The following TMEM266 variants were observed in gnomAD, a reference collection of about 807,000 sequenced individuals.
TMEM266 encodes Hv1 related protein 1.
Under a neutral mutation model 50.5 loss-of-function variants are expected in TMEM266, and 33 were observed. The observed-to-expected ratio is 0.65, with a 90% CI of 0.50 to 0.87. TMEM266 has a LOEUF of 0.87. Ranked by LOEUF, TMEM266 falls within the 40% of genes least tolerant of loss-of-function variation. The pLI, the probability that TMEM266 is intolerant of heterozygous loss-of-function variation, is 0.00. For synonymous variants in TMEM266, 310 were observed against 292.3 expected (o/e 1.06, Z -0.62); for missense variants, 655 against 695.1 (o/e 0.94, Z 0.65).
intron 1 of TMEM266, among the ~76,000 whole-genome samples, chr15:76,077,268 G>T (rs2036620571): frequency 6.6e-6 from 1 of 152,016 alleles, no homozygotes; most frequent in South Asian, 2.1e-4. Flanking sequence ...CTGGCCCTCG[G>T]ATAACCTTTT....
chr15:76,123,577 A>T (rs181728438), intron 1 of TMEM266, among the ~76,000 whole-genome samples: 53 of 152,338 alleles, frequency 3.5e-4, no homozygotes, highest in African/African-American at 1.3e-3. Flanking sequence ...TGAGCCTCAG[A>T]ACCACATCAG....
intron 8 of TMEM266, among the ~76,000 whole-genome samples, chr15:76,180,606 G>C (rs2456055): frequency 0.92 from 109,882 of 119,490 alleles, 50,313 homozygotes; most frequent in South Asian, 0.98. Context: ...TTCATCTTAA[G>C]CTTTTTTTTT....
At chr15:76,178,006 A>G (rs1010417384) in intron 8 of TMEM266, among the ~76,000 whole-genome samples, 1 of 152,172 alleles carries the variant, frequency 6.6e-6, no homozygotes, top group Non-Finnish European at 1.5e-5. Context: ...GGCAGAGGGA[A>G]CAGTGTGGGG....
chr15:76,144,905 T>C (rs2037734655), intron 3 of TMEM266, among the ~76,000 whole-genome samples: 1 of 152,212 alleles, frequency 6.6e-6, no homozygotes, highest in African/African-American at 2.4e-5. Context: ...TGTCTTCTCC[T>C]TCATGCCTCA....
chr15:76,177,080 C>G (rs1396483168), intron 8 of TMEM266, among the ~76,000 whole-genome samples: 4 of 152,142 alleles, frequency 2.6e-5, no homozygotes, highest in Non-Finnish European at 5.9e-5. Context: ...AGCATGTTCC[C>G]CCCGCCAGTA....
At chr15:76,093,115 TTTTA>T (rs956645976) in intron 1 of TMEM266, among the ~76,000 whole-genome samples, 37 of 151,756 alleles carry the variant, frequency 2.4e-4, no homozygotes, top group African/African-American at 6.0e-4. Flanking sequence ...CAGGTGCTAT[TTTTA>T]TTTATTTATT....
chr15:76,165,298 G>A (rs1053756048), intron 5 of TMEM266, among the ~76,000 whole-genome samples: 7 of 152,238 alleles, frequency 4.6e-5, no homozygotes, highest in South Asian at 2.1e-4. Flanking sequence ...CACCTGAGGC[G>A]GAAGGCAAGA....
intron 5 of TMEM266, among the ~76,000 whole-genome samples, chr15:76,167,467 CAAA>C (rs552656577): frequency 4.9e-5 from 5 of 101,210 alleles, no homozygotes; most frequent in Admixed American, 2.1e-4. Flanking sequence ...GAGACTGTTT[CAAA>C]AAAAAAAAAA....
At chr15:76,085,241 G>C (rs879840694) in intron 1 of TMEM266, among the ~76,000 whole-genome samples, 1 of 147,580 alleles carries the variant, frequency 6.8e-6, no homozygotes, top group African/African-American at 2.5e-5. Flanking sequence ...TTACAGGCTT[G>C]AGCCACCGCG....
chr15:76,062,949 A>C (rs1434500812), intron 1 of TMEM266, among the ~76,000 whole-genome samples: 2 of 152,214 alleles, frequency 1.3e-5, no homozygotes, highest in Admixed American at 6.5e-5. Flanking sequence ...GATTATAATG[A>C]ATATTTTAGT....
chr15:76,065,980 G>C (rs2036408577), intron 1 of TMEM266, among the ~76,000 whole-genome samples: 1 of 152,072 alleles, frequency 6.6e-6, no homozygotes, highest in Admixed American at 6.5e-5. Context: ...CCCTGCCCAG[G>C]AGCCACCAAG....
At chr15:76,189,775 G>A (rs528648035) in intron 8 of TMEM266, among the ~76,000 whole-genome samples, 71 of 152,334 alleles carry the variant, frequency 4.7e-4, no homozygotes, top group Non-Finnish European at 8.4e-4. Flanking sequence ...CTGCATGTGG[G>A]CACTGGGTTA....
At chr15:76,077,180 G>C (rs1437584046) in intron 1 of TMEM266, among the ~76,000 whole-genome samples, 1 of 151,966 alleles carries the variant, frequency 6.6e-6, no homozygotes, top group African/African-American at 2.4e-5. Context: ...GCCCAGGCTG[G>C]TCTCGAACTC....
intron 5 of TMEM266, among the ~76,000 whole-genome samples, chr15:76,169,362 C>G (rs1290686047): frequency 6.6e-6 from 1 of 152,022 alleles, no homozygotes; most frequent in Non-Finnish European, 1.5e-5. Context: ...AGGGAGTCAA[C>G]TGCGTTTTTG....
At chr15:76,110,984 C>T (rs1358839859) in intron 1 of TMEM266, among the ~76,000 whole-genome samples, 2 of 152,138 alleles carry the variant, frequency 1.3e-5, no homozygotes, top group African/African-American at 4.8e-5. Flanking sequence ...CCGACAACAC[C>T]AGATGCTGGT....
chr15:76,191,992 C>T lies in TMEM266; in HGVS notation c.793C>T (p.His265Tyr). The change falls in exon 9 of 11, where the codon CAC becomes TAC. Residue 265 changes from histidine (H) to tyrosine (Y), a missense_variant. Physicochemically the swap from His to Tyr is moderately conservative, Grantham distance 83 (BLOSUM62 2). Transcript: ENST00000388942. ...GTTTGAGATCCGGCAGCTGCGCGCG[C>T]ACCTGGCGCAGCAGGACCTGGACCT... 6.3e-7 allele frequency: 1 copy of T among 1,584,048 alleles called. No individual in the cohort carries two copies. Among genetic ancestry groups the T allele is most frequent in the Non-Finnish European group, 8.5e-7 (1 of 1,169,814 alleles).
chr15:76,150,089 G>A (rs2037814960), intron 3 of TMEM266, among the ~76,000 whole-genome samples: 1 of 152,200 alleles, frequency 6.6e-6, no homozygotes, highest in South Asian at 2.1e-4. Flanking sequence ...GCTTTAACCT[G>A]GAGCCTGGGT....
intron 10 of TMEM266, among the ~76,000 whole-genome samples, chr15:76,202,530 A>AT (rs1374951932): frequency 6.6e-6 from 1 of 152,148 alleles, no homozygotes; most frequent in African/African-American, 2.4e-5. Context: ...GAACCCTGAA[A>AT]TTGGAAGGGG....
intron 2 of TMEM266, among the ~76,000 whole-genome samples, chr15:76,136,839 G>A (rs28588054): frequency 0.011 from 1,607 of 152,226 alleles, 15 homozygotes; most frequent in African/African-American, 0.037. Context: ...GATGTGTAGC[G>A]TCCCCAGCCC....
Sources: gnomAD v4.1 joint callset for allele counts (sites outside exome capture counted in the v4.1 genomes callset) on GRCh38, gnomAD v4.1.1 for gene constraint, MANE v1.5 for transcripts, NCBI Gene and HGNC (gene_info 2026-07-23, HGNC 2026-07-21) for gene names.